TMEM225B: variants seen among roughly 807,000 people sequenced by gnomAD.
The protein encoded by TMEM225B is transmembrane protein 225-like.
Under a neutral mutation model 16.9 loss-of-function variants are expected in TMEM225B, and 10 were observed. The observed-to-expected ratio is 0.59, with a 90% CI of 0.36 to 1.00. The LOEUF (loss-of-function observed/expected upper bound fraction) is 1.00. TMEM225B is among the 50% of genes least tolerant of loss of function. The pLI is 0.01. For synonymous variants in TMEM225B, 92 were observed against 109.8 expected (o/e 0.84, Z 1.01); for missense variants, 217 against 267.0 (o/e 0.81, Z 1.30).
chr7:99,607,624 G>A, intron 4 of TMEM225B, 49 bp from the exon 5 acceptor site: 8 of 1,501,218 alleles, frequency 5.3e-6, no homozygotes, highest in Non-Finnish European at 6.2e-6. Context: ...TTGGAGGGAA[G>A]GCGGGTAGCA....
chr7:99,608,859 A>G (rs1806079085), intron 5 of TMEM225B, among the ~76,000 whole-genome samples: 1 of 129,908 alleles, frequency 7.7e-6, no homozygotes, highest in South Asian at 2.3e-4. Context: ...ATATATATAT[A>G]CACACACACA....
chr7:99,598,450 T>C (rs10273424), intron 1 of TMEM225B, 69 bp downstream of exon 1: 1 of 152,596 alleles, frequency 6.6e-6, no homozygotes, highest in South Asian at 2.1e-4. Flanking sequence ...TGGGAGAGGA[T>C]GTGGGGAAGT....
In TMEM225B at chr7:99,610,562, C is replaced by G. The variant is rs1806262696; in HGVS notation, c.663C>G (p.Ile221Met). The change falls in exon 6 of 6, where the codon ATC (isoleucine) becomes ATG (methionine). Residue 221 changes from isoleucine to methionine, a missense_variant. Coordinates refer to ENST00000431679, the MANE Select transcript of TMEM225B (RefSeq NM_001195541.3). ...KETQVTAETV[I>M] The stretch of plus-strand genomic sequence containing the variant: ...CACAGGTGACAGCAGAAACAGTCAT[C>G]TAGCCCAGGACATGGCTTCTTTACC... The G allele has an allele frequency of 6.5e-7, 1 of 1,535,914 alleles. No individual in the cohort carries two copies. Among genetic ancestry groups the G allele is most frequent in the African/African-American group, 1.4e-5 (1 of 73,026 alleles).
chr7:99,607,788 CA>C lies in TMEM225B; in HGVS notation c.472del (p.Ile158SerfsTer5). 1 of 1,536,080 alleles carries C rather than the reference CA, an allele frequency of 6.5e-7. No homozygotes were observed. The highest frequency in any genetic ancestry group is 8.7e-7 in the Non-Finnish European group (1 of 1,146,876). On this transcript the variant is annotated frameshift_variant, in exon 5 of 6. Transcript: ENST00000431679. LOFTEE classifies it low-confidence loss of function (END_TRUNC). Reference protein sequence around the residue: ...LWPYYVLGFGIFLFIVAGTIC... With the variant: ...LWPYYVLGFGXFLFIVAGTIC... ...GGCCTTACTACGTGCTGGGCTTCGG[CA>C]TCTTTCTGTTCATAGTGGCTGGTGA...
chr7:99,606,555 T>C (rs1805823421), intron 3 of TMEM225B, among the ~76,000 whole-genome samples, 193 bp from the exon 4 acceptor site: 1 of 152,210 alleles, frequency 6.6e-6, no homozygotes, highest in Non-Finnish European at 1.5e-5. Context: ...TTCTATGCCA[T>C]TGGGAATCAA....
Position 99,606,914 on chromosome 7 carries a change from T to G in TMEM225B, c.355+20T>G. The G allele has an allele frequency of 6.5e-7, 1 of 1,535,902 alleles. No individual in the cohort carries two copies. The highest frequency in any genetic ancestry group is 8.7e-7 in the Non-Finnish European group (1 of 1,146,764). On this transcript the variant is annotated intron_variant, in intron 4 of 5. Coordinates refer to ENST00000431679, the MANE Select transcript of TMEM225B (RefSeq NM_001195541.3). ...TCACAGGTGTGGAACAGCTAGGTGA[T>G]CCCTGACCTTCGCTAGGGCCTGGGG...
intron 1 of TMEM225B, 66 bp downstream of exon 1, chr7:99,598,447 G>A (rs1052221000): frequency 4.6e-5 from 7 of 152,594 alleles, no homozygotes; most frequent in African/African-American, 1.7e-4. Context: ...GGTTGGGAGA[G>A]GATGTGGGGA....
intron 2 of TMEM225B, among the ~76,000 whole-genome samples, chr7:99,603,687 C>T (rs1423138884): frequency 2.0e-5 from 3 of 148,804 alleles, no homozygotes; most frequent in African/African-American, 5.0e-5. Flanking sequence ...CAGCGAGACT[C>T]CATCTTAAAA....
At chr7:99,599,973 C>T (rs1436201027) in intron 1 of TMEM225B, among the ~76,000 whole-genome samples, 1 of 152,206 alleles carries the variant, frequency 6.6e-6, no homozygotes, top group Non-Finnish European at 1.5e-5. Context: ...AGTTGTGTAT[C>T]CGAAGATGTA....
At chr7:99,600,339 T>G (rs1370614394) in intron 2 of TMEM225B, 54 bp downstream of exon 2, 21 of 701,406 alleles carry the variant, frequency 3.0e-5, no homozygotes, top group Non-Finnish European at 5.5e-5. Context: ...CTGCGTGGAG[T>G]GGACAGCACC....
intron 1 of TMEM225B, among the ~76,000 whole-genome samples, chr7:99,599,830 T>A (rs2151191133): frequency 6.6e-6 from 1 of 152,344 alleles, no homozygotes; most frequent in South Asian, 2.1e-4. Context: ...ACTGATGGGC[T>A]GTGGAATCCT....
intron 1 of TMEM225B, among the ~76,000 whole-genome samples, chr7:99,599,673 C>G (rs541942197): frequency 6.6e-6 from 1 of 152,384 alleles, no homozygotes; most frequent in East Asian, 1.9e-4. Context: ...TTCTCTCTCT[C>G]TTTCTCACAC....
intron 3 of TMEM225B, chr7:99,605,528 A>C (rs1361371153): frequency 6.9e-6 from 1 of 145,200 alleles, no homozygotes; most frequent in Non-Finnish European, 1.5e-5. Flanking sequence ...TCTTGAGTTC[A>C]AGCGATCCTC....
In TMEM225B at chr7:99,599,428, G is replaced by C. The variant is rs1416042892; in HGVS notation, c.-84-777G>C. 2.0e-5 allele frequency among the ~76,000 whole-genome samples: 3 copies of C among 152,084 alleles called. No individual in the cohort carries two copies. In the East Asian group the frequency reaches 5.8e-4, roughly 29 times the overall value. On this transcript the variant is annotated intron_variant, in intron 1 of 5. Coordinates refer to ENST00000431679, the MANE Select transcript of TMEM225B (RefSeq NM_001195541.3). ...CCATCTCAAAAAAAAAATTAGCCAG[G>C]TGTAATGGCATACACCTGTAGTCCC... is the stretch of plus-strand genomic sequence containing the variant.
chr7:99,608,734 T>TACACACAC (rs35501095), intron 5 of TMEM225B, among the ~76,000 whole-genome samples: 21 of 113,708 alleles, frequency 1.8e-4, no homozygotes, highest in Admixed American at 7.8e-4. Context: ...TATATATATA[T>TACACACAC]ACACACACAC....
rs549134655 is a variant in TMEM225B at position 99,606,851 on chromosome 7, C to G, written c.312C>G (p.Thr104=). The G allele has an allele frequency of 1.7e-4, 266 of 1,536,148 alleles. 3 individuals are homozygous for G. Among genetic ancestry groups the G allele is most frequent in the South Asian group, 1.3e-3 (109 of 84,062 alleles). ...TTGCATCCGAGTTCTTCCCGAGGACCTGGAAGCAAAACTTTGTGTTAGCCT... is the reference window on the plus strand; with the variant it reads ...TTGCATCCGAGTTCTTCCCGAGGACGTGGAAGCAAAACTTTGTGTTAGCCT... The part of the protein sequence containing the change: ...MPFASEFFPR[T]WKQNFVLACI... The change falls in exon 4 of 6, where the codon ACC becomes ACG. Residue 104 remains threonine (T), a synonymous_variant. Transcript: ENST00000431679.
At chr7:99,602,670 C>A (rs1562951831) in intron 2 of TMEM225B, among the ~76,000 whole-genome samples, 1 of 152,178 alleles carries the variant, frequency 6.6e-6, no homozygotes, top group Non-Finnish European at 1.5e-5. Context: ...CCAGCACTTA[C>A]CCACCACGGT....
intron 3 of TMEM225B, among the ~76,000 whole-genome samples, chr7:99,605,723 G>A (rs1805755091): frequency 2.0e-5 from 3 of 152,154 alleles, no homozygotes; most frequent in South Asian, 4.1e-4. Flanking sequence ...CCAAGTAGCG[G>A]GGACTACAGG....
At chr7:99,601,378 A>C (rs1805346225) in intron 2 of TMEM225B, among the ~76,000 whole-genome samples, 1 of 152,182 alleles carries the variant, frequency 6.6e-6, no homozygotes. Flanking sequence ...AGATCACTTA[A>C]GCTCAGGAGT....
Sources: allele counts gnomAD v4.1 joint callset (sites outside exome capture counted in the v4.1 genomes callset), GRCh38; gene constraint gnomAD v4.1.1; transcripts MANE v1.5; gene names NCBI Gene and HGNC (gene_info 2026-07-23, HGNC 2026-07-21).